The following TOP6BL variants were observed in gnomAD, a reference collection of about 807,000 sequenced individuals.
The protein encoded by TOP6BL is TOP6B like initiator of meiotic double strand breaks, also known as type 2 DNA topoisomerase 6 subunit B-like.
At chr11:66,754,212 C>T in the TOP6BL span, among the ~76,000 whole-genome samples, 1 of 152,296 alleles carries the variant, frequency 6.6e-6, no homozygotes, top group Non-Finnish European at 1.5e-5. Context: ...GACTTTTAAA[C>T]CTGGAAACCC....
At chr11:66,790,515 G>A in the TOP6BL span, among the ~76,000 whole-genome samples, 1 of 152,162 alleles carries the variant, frequency 6.6e-6, no homozygotes. Flanking sequence ...GAAAGAATAG[G>A]AAGTTGTTAT....
At chr11:66,831,318 C>T in the TOP6BL span, among the ~76,000 whole-genome samples, 1 of 152,152 alleles carries the variant, frequency 6.6e-6, no homozygotes. Flanking sequence ...ATCTTCATGG[C>T]ACTTTTGTTA....
the TOP6BL span, among the ~76,000 whole-genome samples, chr11:66,757,659 T>C: frequency 1.3e-5 from 2 of 152,224 alleles, no homozygotes; most frequent in Non-Finnish European, 2.9e-5. Context: ...CAATCTCGGC[T>C]TACTGCAACC....
At chr11:66,803,141 A>G in the TOP6BL span, among the ~76,000 whole-genome samples, 2 of 152,196 alleles carry the variant, frequency 1.3e-5, no homozygotes, top group Non-Finnish European at 2.9e-5. Context: ...AAGGTGTAGC[A>G]TGCGTGAGAG....
chr11:66,756,324 C>T, the TOP6BL span: 2 of 1,189,646 alleles, frequency 1.7e-6, no homozygotes, highest in Admixed American at 6.3e-5. Context: ...TACAGTTAAC[C>T]CCCTTTTCCC....
chr11:66,749,822 C>T, the TOP6BL span, among the ~76,000 whole-genome samples: 2 of 152,148 alleles, frequency 1.3e-5, no homozygotes, highest in Non-Finnish European at 1.5e-5. Flanking sequence ...TAGTGATCCA[C>T]CTGCCTCTGC....
chr11:66,799,582 C>T, the TOP6BL span, among the ~76,000 whole-genome samples: 21 of 151,262 alleles, frequency 1.4e-4, no homozygotes, highest in Admixed American at 4.6e-4. Flanking sequence ...CACAGTGGCG[C>T]GTGCCTGTAG....
the TOP6BL span, among the ~76,000 whole-genome samples, chr11:66,822,246 AAG>A: frequency 6.6e-6 from 1 of 151,970 alleles, no homozygotes. Context: ...CAACCACACT[AAG>A]AGAGCAGAAC....
the TOP6BL span, among the ~76,000 whole-genome samples, chr11:66,745,309 C>CGGT: frequency 1.7e-4 from 2 of 11,812 alleles, no homozygotes; most frequent in African/African-American, 2.9e-4. Flanking sequence ...CGTTGCGGGG[C>CGGT]GGGGTGGGGG....
chr11:66,802,389 G>C, the TOP6BL span, among the ~76,000 whole-genome samples: 3 of 151,994 alleles, frequency 2.0e-5, no homozygotes, highest in Non-Finnish European at 2.9e-5. Flanking sequence ...TCCTGACCTC[G>C]TGATCCTCCT....
At chr11:66,838,171 G>C in the TOP6BL span, among the ~76,000 whole-genome samples, 2 of 152,184 alleles carry the variant, frequency 1.3e-5, no homozygotes, top group Non-Finnish European at 1.5e-5. Flanking sequence ...AATGGCCAGA[G>C]TGGAGAAGGA....
the TOP6BL span, among the ~76,000 whole-genome samples, chr11:66,829,587 C>A: frequency 5.6e-4 from 81 of 144,504 alleles, 1 homozygote; most frequent in South Asian, 6.5e-4. Context: ...AAAAAAAAAA[C>A]AAAACCATGA....
At chr11:66,800,957 G>GA in the TOP6BL span, 1 of 1,528,836 alleles carries the variant, frequency 6.5e-7, no homozygotes, top group Non-Finnish European at 9.0e-7. Flanking sequence ...AGTAGTCATG[G>GA]GCCAAAATTT....
chr11:66,761,681 A>G, the TOP6BL span: 1 of 971,130 alleles, frequency 1.0e-6, no homozygotes, highest in Non-Finnish European at 1.6e-6. Context: ...AATGTTGTCC[A>G]CCCCTTGGTC....
chr11:66,843,241 TC>T, the TOP6BL span: 1 of 1,607,686 alleles, frequency 6.2e-7, no homozygotes, highest in Non-Finnish European at 8.5e-7. Context: ...CTGAGCCGGG[TC>T]CCCTTCCGCA....
the TOP6BL span, among the ~76,000 whole-genome samples, chr11:66,783,193 A>G: frequency 1.3e-5 from 2 of 152,128 alleles, no homozygotes; most frequent in Non-Finnish European, 2.9e-5. Context: ...ATTTCCCTAA[A>G]CAGTTTAATA....
the TOP6BL span, among the ~76,000 whole-genome samples, chr11:66,769,175 A>T: frequency 5.9e-5 from 9 of 152,304 alleles, no homozygotes; most frequent in African/African-American, 1.7e-4. Context: ...AGTAGACTTT[A>T]TGGCTAGCCA....
At chr11:66,791,445 A>G in the TOP6BL span, among the ~76,000 whole-genome samples, 1 of 152,146 alleles carries the variant, frequency 6.6e-6, no homozygotes, top group African/African-American at 2.4e-5. Context: ...ATACAAACAT[A>G]TATATGCACA....
At chr11:66,796,369 G>C in the TOP6BL span, 1 of 1,598,550 alleles carries the variant, frequency 6.3e-7, no homozygotes, top group Admixed American at 1.7e-5. Context: ...CCTAAGGTAA[G>C]CTGTTCCTTT....
Sources: gnomAD v4.1 joint callset for allele counts (sites outside exome capture counted in the v4.1 genomes callset) on GRCh38, gnomAD v4.1.1 for gene constraint, MANE v1.5 for transcripts, NCBI Gene and HGNC (gene_info 2026-07-23, HGNC 2026-07-21) for gene names.